Variants in ALPK1 observed in about 807,000 individuals in gnomAD.
The protein encoded by ALPK1 is alpha-protein kinase 1.
A neutral mutation model predicts 120.6 loss-of-function variants in ALPK1; 110 were observed. That is an observed-to-expected ratio of 0.91 (90% CI 0.78 to 1.07). The LOEUF (loss-of-function observed/expected upper bound fraction) is 1.07, where lower values mean the gene tolerates loss of function less well. Ranked by LOEUF, ALPK1 falls within the 50% of genes least tolerant of loss-of-function variation. ALPK1 has a pLI of 0.00. For synonymous variants in ALPK1, 582 were observed against 560.3 expected (o/e 1.04, Z -0.55); for missense variants, 1,498 against 1,483.9 (o/e 1.01, Z -0.16).
intron 2 of ALPK1, among the ~76,000 whole-genome samples, chr4:112,363,460 G>A (rs1018738294): frequency 6.6e-6 from 1 of 152,062 alleles, no homozygotes; most frequent in Non-Finnish European, 1.5e-5. Context: ...AAAAGAAAAA[G>A]GAATAGTGGA....
At chr4:112,309,302 G>C (rs1004482567) in intron 1 of ALPK1, among the ~76,000 whole-genome samples, 4 of 152,158 alleles carry the variant, frequency 2.6e-5, no homozygotes, top group Admixed American at 2.6e-4. Context: ...TAAGTCTGCC[G>C]AGGTTTCTGC....
rs368491763 is a variant in ALPK1 at position 112,312,812 on chromosome 4, G to A, written c.-152-2989G>A. On this transcript the variant is annotated intron_variant, in intron 1 of 15. Coordinates refer to ENST00000650871, the MANE Select transcript of ALPK1 (RefSeq NM_025144.4). Reference sequence around the variant, plus strand: ...AGAAGTCCCACAGTGTCTCAACACAGTTATCACCCCAAGTCATAGTTGTCA... The same window carrying A: ...AGAAGTCCCACAGTGTCTCAACACAATTATCACCCCAAGTCATAGTTGTCA... Among the ~76,000 whole-genome samples, 61 of 152,332 alleles carry A rather than the reference G, an allele frequency of 4.0e-4. 1 individual carries two copies. Among genetic ancestry groups the A allele is most frequent in the East Asian group, 7.7e-4 (4 of 5,192 alleles).
chr4:112,415,802 C>T (rs2148752216), intron 5 of ALPK1, among the ~76,000 whole-genome samples: 1 of 152,272 alleles, frequency 6.6e-6, no homozygotes, highest in East Asian at 1.9e-4. Flanking sequence ...GAACACCCTC[C>T]CGGTTGGTGA....
chr4:112,409,567 G>A (rs1733354502), intron 4 of ALPK1, among the ~76,000 whole-genome samples: 1 of 151,886 alleles, frequency 6.6e-6, no homozygotes, highest in South Asian at 2.1e-4. Context: ...GAATTACAGG[G>A]TCAAGCAGAA....
rs951493659 is a variant in ALPK1 at position 112,432,468 on chromosome 4, C to G, written c.2921C>G (p.Thr974Ser). Reference sequence around the variant, plus strand: ...AGGAAAGAGATCCTTGAGGCTCGCACCTTGCAACCTGATGACTTTGAAAAG... The same window carrying G: ...AGGAAAGAGATCCTTGAGGCTCGCAGCTTGCAACCTGATGACTTTGAAAAG... The part of the protein sequence containing the change: ...KMRKEILEAR[T>S]LQPDDFEKLL... The change falls in exon 11 of 16, where the codon ACC becomes AGC. Residue 974 changes from threonine to serine, a missense_variant. Physicochemically the swap from Thr to Ser is moderately conservative, Grantham distance 58. Transcript: ENST00000650871. 2 of 1,613,970 alleles carry G rather than the reference C, an allele frequency of 1.2e-6. No individual in the cohort carries two copies. The highest frequency in any genetic ancestry group is 2.7e-5 in the African/African-American group (2 of 74,894).
chr4:112,363,563 C>G (rs1731008162), intron 2 of ALPK1, among the ~76,000 whole-genome samples: 1 of 152,092 alleles, frequency 6.6e-6, no homozygotes, highest in South Asian at 2.1e-4. Context: ...CAAACAACTA[C>G]TACTAGACCT....
intron 4 of ALPK1, among the ~76,000 whole-genome samples, chr4:112,393,430 G>A (rs546708505): frequency 1.7e-4 from 26 of 152,296 alleles, no homozygotes; most frequent in Admixed American, 1.6e-3. Flanking sequence ...CAACCATGTA[G>A]ATCTTACAGA....
chr4:112,357,571 G>A (rs1015702797), intron 2 of ALPK1: 32 of 1,412,864 alleles, frequency 2.3e-5, no homozygotes, highest in Admixed American at 2.1e-4. Flanking sequence ...ACTGGCCCCC[G>A]GGTCCTCCTT....
rs1735079891 is a variant in ALPK1 at position 112,442,595 on chromosome 4, TA to T, written c.*1389del. The T allele has an allele frequency of 6.6e-6, 1 of 150,600 alleles. No individual in the cohort carries two copies. The highest frequency in any genetic ancestry group is 1.5e-5 in the Non-Finnish European group (1 of 67,720). The allele number at this position is 150,600 out of a possible 1,614,324, so 9.3% of individuals were successfully genotyped here. A position where few individuals can be genotyped will look rare whatever the true frequency, so the allele number is the denominator to read the frequency against. ...AAACCTGCACATGTACCCCTGAACT[TA>T]AAATAAAAGTAAAAAAAAAAAATCA... is the stretch of plus-strand genomic sequence containing the variant. On this transcript the variant is annotated 3_prime_UTR_variant, in exon 16 of 16. Coordinates refer to ENST00000650871, the MANE Select transcript of ALPK1 (RefSeq NM_025144.4).
intron 2 of ALPK1, among the ~76,000 whole-genome samples, chr4:112,349,176 T>A (rs1164720781): frequency 1.3e-5 from 2 of 152,220 alleles, no homozygotes; most frequent in Non-Finnish European, 2.9e-5. Flanking sequence ...TGAATATGGA[T>A]CCAGATAATT....
chr4:112,431,547 A>G lies in ALPK1; in HGVS notation c.2000A>G (p.Gln667Arg). 6.2e-7 allele frequency: 1 copy of G among 1,614,198 alleles called. No individual in the cohort carries two copies. The highest frequency in any genetic ancestry group is 8.5e-7 in the Non-Finnish European group (1 of 1,180,046). The change falls in exon 11 of 16, where the codon CAA becomes CGA. Residue 667 changes from glutamine (Q) to arginine (R), a missense_variant. Coordinates refer to ENST00000650871, the MANE Select transcript of ALPK1 (RefSeq NM_025144.4). ...NLEPSQNQPQ[Q>R]QMPLTPFSPH... ...GAGCCTTCTCAAAATCAGCCACAGCAACAGATGCCCTTGACACCCTTCTCG... is the reference window on the plus strand; with the variant it reads ...GAGCCTTCTCAAAATCAGCCACAGCGACAGATGCCCTTGACACCCTTCTCG...
chr4:112,335,263 A>T (rs1028762043), intron 2 of ALPK1, among the ~76,000 whole-genome samples: 15 of 115,688 alleles, frequency 1.3e-4, no homozygotes, highest in Admixed American at 5.7e-4. Flanking sequence ...AAATCTGTCT[A>T]AAAAAAAAAA....
chr4:112,401,859 G>C (rs1732929165), intron 4 of ALPK1, among the ~76,000 whole-genome samples: 1 of 152,126 alleles, frequency 6.6e-6, no homozygotes, highest in Non-Finnish European at 1.5e-5. Context: ...TTTTCAGAAG[G>C]GTTTGAATCT....
In ALPK1 at chr4:112,423,967, A is replaced by G. The variant is rs1349665138; in HGVS notation, c.499A>G (p.Ile167Val). ...AGGAAAACTTTTAAAAGCAGAGTATATTCTGAGCAGTCTAATAAGCAACAA... is the reference window on the plus strand; with the variant it reads ...AGGAAAACTTTTAAAAGCAGAGTATGTTCTGAGCAGTCTAATAAGCAACAA... Reference protein sequence around the residue: ...NSGKLLKAEYILSSLISNNGA... With the variant: ...NSGKLLKAEYVLSSLISNNGA... Residue 167 changes from isoleucine (I) to valine (V), a missense_variant, in exon 6 of 16, where the codon ATT becomes GTT. Coordinates refer to ENST00000650871, the MANE Select transcript of ALPK1 (RefSeq NM_025144.4). 3.7e-6 allele frequency: 6 copies of G among 1,614,078 alleles called. No homozygotes were observed. The highest frequency in any genetic ancestry group is 1.7e-4 in the Middle Eastern group (1 of 6,056).
In ALPK1 at chr4:112,301,252, G is replaced by T. The variant is rs185180213; in HGVS notation, c.-153+3783G>T. Among the ~76,000 whole-genome samples, 11 of 152,156 alleles carry T rather than the reference G, an allele frequency of 7.2e-5. No individual in the cohort carries two copies. The East Asian group carries it at 1.9e-3, about 27-fold the overall frequency. ...AACTGTAAGTGGTAACATCTCTTTT[G>T]ATATATTAATGTATTAGGTTTGACA... On this transcript the variant is annotated intron_variant, in intron 1 of 15. Transcript: ENST00000650871.
In ALPK1 at chr4:112,396,400, A is replaced by G. The variant is rs1578533621; in HGVS notation, c.276+13848A>G. ...CTAGAAACTGTAAACCTACTTATCA[A>G]CTATATAAACCGCAATACAGCTCGT... On this transcript the variant is annotated intron_variant, in intron 4 of 15. Transcript: ENST00000650871. Among the ~76,000 whole-genome samples the G allele has an allele frequency of 5.3e-5, 8 of 152,320 alleles. 2 individuals carry two copies. Among genetic ancestry groups the G allele is most frequent in the Admixed American group, 4.6e-4 (7 of 15,294 alleles).
intron 2 of ALPK1, among the ~76,000 whole-genome samples, chr4:112,355,133 T>A (rs1262009120): frequency 6.6e-6 from 1 of 152,234 alleles, no homozygotes; most frequent in Non-Finnish European, 1.5e-5. Flanking sequence ...TATTCTCAGA[T>A]ACTTCATGTA....
rs573450912 is a variant in ALPK1, at chr4:112,324,245, T to C, written c.-101+8393T>C. On this transcript the variant is annotated intron_variant, in intron 2 of 15. Coordinates refer to ENST00000650871, the MANE Select transcript of ALPK1 (RefSeq NM_025144.4). The stretch of plus-strand genomic sequence containing the variant: ...GGGAGGCTGAGGCAGGAGAATGGCT[T>C]GAACCTGGGAGGCGGAGCTTGCAGT... Among the ~76,000 whole-genome samples, 3 of 151,416 alleles carry C rather than the reference T, an allele frequency of 2.0e-5. No homozygotes were observed. In the East Asian group the frequency reaches 5.9e-4, roughly 30 times the overall value.
chr4:112,354,534 C>G (rs548824382), intron 2 of ALPK1, among the ~76,000 whole-genome samples: 1 of 152,306 alleles, frequency 6.6e-6, no homozygotes, highest in East Asian at 1.9e-4. Context: ...ATGGCATAAT[C>G]TTGGCTCACT....
Sources: gnomAD v4.1 joint callset for allele counts (sites outside exome capture counted in the v4.1 genomes callset) on GRCh38, gnomAD v4.1.1 for gene constraint, MANE v1.5 for transcripts, NCBI Gene and HGNC (gene_info 2026-07-23, HGNC 2026-07-21) for gene names.